The following LMBRD1 variants were observed in gnomAD, a reference collection of about 807,000 sequenced individuals.
LMBRD1 encodes the protein lysosomal cobalamin transport escort protein LMBD1.
In LMBRD1, 64 loss-of-function variants were observed where a neutral mutation model predicts 74.8. The observed-to-expected ratio is 0.86, with a 90% CI of 0.70 to 1.05. The LOEUF (loss-of-function observed/expected upper bound fraction) is 1.05. LMBRD1 is among the 50% of genes least tolerant of loss of function. The pLI, the probability that LMBRD1 is intolerant of heterozygous loss-of-function variation, is 0.00. For missense variants in LMBRD1, 652 were observed against 645.9 expected (o/e 1.01, Z -0.10); for synonymous variants, 204 against 216.3 (o/e 0.94, Z 0.50).
intron 1 of LMBRD1, 61 bp from the exon 2 acceptor site, chr6:69,790,533 T>G: frequency 6.5e-7 from 1 of 1,548,006 alleles, no homozygotes; most frequent in Non-Finnish European, 8.9e-7. Flanking sequence ...GATTTTTGTA[T>G]GTGTTTGAAA....
At chr6:69,774,796 T>C (rs1417264583) in intron 3 of LMBRD1, among the ~76,000 whole-genome samples, 3 of 151,748 alleles carry the variant, frequency 2.0e-5, no homozygotes, top group African/African-American at 7.3e-5. Context: ...GGCAGTTTTA[T>C]AAAAGAAAAG....
intron 9 of LMBRD1, chr6:69,705,819 T>C (rs1766242077): frequency 2.4e-6 from 3 of 1,237,584 alleles, no homozygotes; most frequent in South Asian, 1.2e-5. Flanking sequence ...CTACTAAATG[T>C]TGTTCACTAA....
chr6:69,706,133 T>A (rs1047874738), intron 9 of LMBRD1: 2 of 561,190 alleles, frequency 3.6e-6, no homozygotes, highest in Non-Finnish European at 6.6e-6. Flanking sequence ...CTCCGGGGGT[T>A]TATGTCCATG....
At chr6:69,722,948 T>A (rs148781656) in intron 7 of LMBRD1, among the ~76,000 whole-genome samples, 56 of 152,162 alleles carry the variant, frequency 3.7e-4, no homozygotes, top group Middle Eastern at 3.4e-3. Context: ...AAGAAATACA[T>A]TTCACCTACA....
chr6:69,753,104 T>TA lies in LMBRD1; in HGVS notation c.308-749dup, dbSNP rs200915802. ...GGAATTACTATTTATCTGCTTTTTTTAAAAAAAATGTTAGATTTGACATAC... is the reference window on the plus strand; with the variant it reads ...GGAATTACTATTTATCTGCTTTTTTTAAAAAAAAATGTTAGATTTGACATAC... On this transcript the variant is annotated intron_variant, in intron 3 of 15. Coordinates refer to ENST00000649934, the MANE Select transcript of LMBRD1 (RefSeq NM_018368.4). Among the ~76,000 whole-genome samples, 151 of 152,084 alleles carry TA rather than the reference T, an allele frequency of 9.9e-4. 1 individual carries two copies. The East Asian group carries it at 0.012, about 12-fold the overall frequency.
intron 6 of LMBRD1, among the ~76,000 whole-genome samples, chr6:69,739,413 C>A (rs1363607853): frequency 4.6e-5 from 7 of 151,970 alleles, no homozygotes. Context: ...CTGCATATAT[C>A]TTTATGATAT....
rs975600546 is a variant in LMBRD1, at chr6:69,674,907, A to C, written c.*1251T>G. Among the ~76,000 whole-genome samples, 2 of 152,148 alleles carry C rather than the reference A, an allele frequency of 1.3e-5. No individual in the cohort carries two copies. The highest frequency in any genetic ancestry group is 6.5e-5 in the Admixed American group (1 of 15,276). On this transcript the variant is annotated 3_prime_UTR_variant, in exon 16 of 16. Transcript: ENST00000649934. Reference sequence around the variant, plus strand: ...AGAATTGCTTGAATGCATGAAGGGGAGGTTGCAGTGAGCTGAGATCGTGCC... The same window carrying C: ...AGAATTGCTTGAATGCATGAAGGGGCGGTTGCAGTGAGCTGAGATCGTGCC...
intron 3 of LMBRD1, among the ~76,000 whole-genome samples, chr6:69,780,018 C>A (rs1765793605): frequency 6.6e-6 from 1 of 152,274 alleles, no homozygotes; most frequent in Middle Eastern, 3.4e-3. Flanking sequence ...GCCCTTGCCC[C>A]ACATGTTCCT....
intron 6 of LMBRD1, among the ~76,000 whole-genome samples, chr6:69,738,645 C>T (rs780808255): frequency 6.6e-6 from 1 of 151,398 alleles, no homozygotes; most frequent in Non-Finnish European, 1.5e-5. Context: ...ACTATGCTAA[C>T]GCATTGGATT....
chr6:69,692,220 ATCC>A (rs1765900233), intron 14 of LMBRD1, among the ~76,000 whole-genome samples: 2 of 151,872 alleles, frequency 1.3e-5, no homozygotes, highest in African/African-American at 4.8e-5. Context: ...GTAATATGGT[ATCC>A]TCAAGCTAAA....
At chr6:69,699,586 C>T (rs762434010) in intron 12 of LMBRD1, among the ~76,000 whole-genome samples, 10 of 151,770 alleles carry the variant, frequency 6.6e-5, no homozygotes, top group African/African-American at 2.2e-4. Flanking sequence ...ATGAAATACT[C>T]GTGACCTCCT....
chr6:69,676,291 A>G lies in LMBRD1; in HGVS notation c.1510-20T>C. The G allele has an allele frequency of 1.9e-6, 3 of 1,608,794 alleles. No homozygotes were observed. Among genetic ancestry groups the G allele is most frequent in the South Asian group, 1.1e-5 (1 of 90,692 alleles). ...AAATACCTGTAAATTTAAATAAGCC[A>G]TGTGTTATTTTTCAAATTTAAAATC... On this transcript the variant is annotated intron_variant, in intron 15 of 15. Transcript: ENST00000649934.
At chr6:69,686,254 A>C (rs1244745832) in intron 14 of LMBRD1, among the ~76,000 whole-genome samples, 1 of 152,204 alleles carries the variant, frequency 6.6e-6, no homozygotes, top group Non-Finnish European at 1.5e-5. Context: ...ATTCTCGTTT[A>C]GAGTTCCCCA....
Position 69,796,832 on chromosome 6 carries a change from A to C in LMBRD1, c.50T>G (p.Ile17Arg). The change falls in exon 1 of 16, where the codon ATA becomes AGA. Residue 17 changes from isoleucine to arginine, a missense_variant. Ile to Arg is a moderately conservative substitution (Grantham distance 97). Around this residue, in one of 3 missense-constraint regions of LMBRD1, gnomAD observed 598 missense variants for 581.8 expected, o/e 1.03. Coordinates refer to ENST00000649934, the MANE Select transcript of LMBRD1 (RefSeq NM_018368.4). ...ASAELVIGWC[I>R]FGLLLLAILA... ...CCCTACCAGTAGTAAGAGGCCGAATATGCACCAGCCGATCACCAGCTCCGC... is the reference window on the plus strand; with the variant it reads ...CCCTACCAGTAGTAAGAGGCCGAATCTGCACCAGCCGATCACCAGCTCCGC... The C allele has an allele frequency of 6.2e-7, 1 of 1,613,596 alleles. No individual in the cohort carries two copies. The highest frequency in any genetic ancestry group is 8.5e-7 in the Non-Finnish European group (1 of 1,179,858).
chr6:69,692,018 C>T (rs1244876493), intron 14 of LMBRD1, among the ~76,000 whole-genome samples: 1 of 151,772 alleles, frequency 6.6e-6, no homozygotes, highest in Non-Finnish European at 1.5e-5. Context: ...GATATCAATA[C>T]ACATTTTACT....
chr6:69,778,504 A>AT (rs1478201736), intron 3 of LMBRD1, among the ~76,000 whole-genome samples: 3 of 152,352 alleles, frequency 2.0e-5, no homozygotes, highest in African/African-American at 7.2e-5. Context: ...ATTACAAAGG[A>AT]TTAGTCCAAT....
intron 6 of LMBRD1, among the ~76,000 whole-genome samples, chr6:69,741,063 G>A (rs959062111): frequency 2.6e-5 from 4 of 151,864 alleles, no homozygotes; most frequent in African/African-American, 9.7e-5. Flanking sequence ...TTATATAAAA[G>A]ATGATTTAAT....
At chr6:69,721,121 G>A (rs1766604909) in intron 7 of LMBRD1, among the ~76,000 whole-genome samples, 1 of 152,236 alleles carries the variant, frequency 6.6e-6, no homozygotes, top group South Asian at 2.1e-4. Context: ...CCTTGCCACT[G>A]TGGGCAAAAT....
intron 5 of LMBRD1, among the ~76,000 whole-genome samples, chr6:69,748,951 A>G (rs1450206149): frequency 6.6e-6 from 1 of 152,086 alleles, no homozygotes; most frequent in Non-Finnish European, 1.5e-5. Context: ...GATCAGTTAA[A>G]TATATTTTTG....
Sources: gnomAD v4.1 joint callset for allele counts (sites outside exome capture counted in the v4.1 genomes callset) on GRCh38, gnomAD v4.1.1 for gene constraint, gnomAD v4.1.1 regional missense constraint, MANE v1.5 for transcripts, NCBI Gene and HGNC (gene_info 2026-07-23, HGNC 2026-07-21) for gene names.